Variants in UBR1 observed in about 807,000 individuals in gnomAD.
UBR1 encodes E3 ubiquitin-protein ligase UBR1.
UBR1 carries 102 observed loss-of-function variants against 242.1 expected under a neutral mutation model. The ratio of observed to expected loss-of-function variants is 0.42; its 90% confidence interval spans 0.36 to 0.50. The LOEUF is 0.50. Among genes scored for constraint, UBR1 ranks in the 20% least tolerant of loss-of-function variants. The pLI is 0.01. For synonymous variants in UBR1, 675 were observed against 684.8 expected (o/e 0.99, Z 0.22); for missense variants, 1,772 against 2,101.8 (o/e 0.84, Z 3.07).
chr15:43,042,934 T>C (rs1403185143), intron 15 of UBR1, among the ~76,000 whole-genome samples: 1 of 152,128 alleles, frequency 6.6e-6, no homozygotes, highest in Non-Finnish European at 1.5e-5. Context: ...TTATTATATT[T>C]AAATTTGGGT....
intron 37 of UBR1, among the ~76,000 whole-genome samples, chr15:42,982,067 C>T (rs1052238985): frequency 2.6e-5 from 4 of 152,170 alleles, no homozygotes; most frequent in Admixed American, 6.5e-5. Flanking sequence ...GAGACAAGGT[C>T]TCACTATACT....
chr15:42,945,000 C>A lies in UBR1; in HGVS notation c.*329G>T. ...AATACAAAATTGCAGAAGAGTTAAC[C>A]AACATATAAAATGTCTACAACTGTT... On this transcript the variant is annotated 3_prime_UTR_variant, in exon 47 of 47. Coordinates refer to ENST00000290650, the MANE Select transcript of UBR1 (RefSeq NM_174916.3). 9.4e-6 allele frequency: 3 copies of A among 319,490 alleles called. No individual in the cohort carries two copies. The highest frequency in any genetic ancestry group is 3.0e-5 in the South Asian group (1 of 33,640). The allele number at this position is 319,490 out of a possible 1,614,324, so 19.8% of individuals were successfully genotyped here.
At chr15:42,967,241 T>TTA (rs1555442411) in intron 40 of UBR1, among the ~76,000 whole-genome samples, 10 of 148,978 alleles carry the variant, frequency 6.7e-5, no homozygotes, top group Non-Finnish European at 1.2e-4. Flanking sequence ...TTTTTTTTTT[T>TTA]AAATAGAGAC....
At chr15:42,967,411 T>C (rs1039704686) in intron 40 of UBR1, among the ~76,000 whole-genome samples, 2 of 149,674 alleles carry the variant, frequency 1.3e-5, no homozygotes, top group Non-Finnish European at 1.5e-5. Context: ...TACTAAAGCT[T>C]CCTTTTTTTT....
At chr15:42,980,133 G>C (rs1289137934) in intron 37 of UBR1, among the ~76,000 whole-genome samples, 1 of 151,944 alleles carries the variant, frequency 6.6e-6, no homozygotes, top group Non-Finnish European at 1.5e-5. Flanking sequence ...AATAATTCCT[G>C]ATCCCTCGTC....
intron 26 of UBR1, 32 bp downstream of exon 26, chr15:43,022,670 C>T: frequency 6.8e-7 from 1 of 1,461,888 alleles, no homozygotes; most frequent in Non-Finnish European, 9.6e-7. Flanking sequence ...CTTTCAATGA[C>T]AAATGTGTTG....
At chr15:43,098,526 A>G (rs2141371152) in intron 1 of UBR1, among the ~76,000 whole-genome samples, 1 of 152,326 alleles carries the variant, frequency 6.6e-6, no homozygotes, top group East Asian at 1.9e-4. Context: ...GTTCATCTGT[A>G]TCACTGATTT....
intron 9 of UBR1, among the ~76,000 whole-genome samples, chr15:43,058,666 C>T (rs1464398528): frequency 6.6e-6 from 1 of 152,170 alleles, no homozygotes. Context: ...TCAATTTACT[C>T]TCTCCCAACC....
intron 31 of UBR1, among the ~76,000 whole-genome samples, chr15:43,002,932 A>T (rs2032748572): frequency 6.6e-6 from 1 of 152,232 alleles, no homozygotes; most frequent in South Asian, 2.1e-4. Flanking sequence ...AATTTAAAAT[A>T]AGTTTATTGA....
In UBR1 at chr15:43,093,782, T is replaced by A. The variant is rs1405578768; in HGVS notation, c.82-7542A>T. On this transcript the variant is annotated intron_variant, in intron 1 of 46. Transcript: ENST00000290650. ...TTCAGCCTGGGGAACAGAGTGAGGC[T>A]CCGTCTCCAAAAAAAAAAAAAAAAA... Among the ~76,000 whole-genome samples, 2 of 112,182 alleles carry A rather than the reference T, an allele frequency of 1.8e-5. 1 individual carries two copies. Among genetic ancestry groups the A allele is most frequent in the Admixed American group, 2.3e-4 (2 of 8,614 alleles). 73.6% of individuals were successfully genotyped at this position (112,182 alleles called of 152,430 possible). A position where few individuals can be genotyped will look rare whatever the true frequency, so the allele number is the denominator to read the frequency against.
chr15:43,000,540 G>A (rs1013724286), intron 32 of UBR1, among the ~76,000 whole-genome samples: 5 of 152,132 alleles, frequency 3.3e-5, no homozygotes, highest in Non-Finnish European at 7.4e-5. Flanking sequence ...TGTATAGTTA[G>A]GTAAGGCTTT....
chr15:43,037,844 G>A lies in UBR1; in HGVS notation c.1951C>T (p.Arg651Cys), dbSNP rs1313170537. 6.2e-7 allele frequency: 1 copy of A among 1,613,952 alleles called. No individual in the cohort carries two copies. Among genetic ancestry groups the A allele is most frequent in the African/African-American group, 1.3e-5 (1 of 74,920 alleles). Residue 651 changes from arginine (R) to cysteine (C), a missense_variant, in exon 17 of 47, where the codon CGT becomes TGT. Arg to Cys is a radical substitution (Grantham distance 180). Around this residue, in one of 3 missense-constraint regions of UBR1, gnomAD observed 734 missense variants for 893.3 expected, o/e 0.82. Coordinates refer to ENST00000290650, the MANE Select transcript of UBR1 (RefSeq NM_174916.3). Reference sequence around the variant, plus strand: ...ACCTGGGCAACCAACACCAGACAACGTAAAGGATATTCCACTAGTACCTCT... The same window carrying A: ...ACCTGGGCAACCAACACCAGACAACATAAAGGATATTCCACTAGTACCTCT... ...QVEVLVEYPLRCLVLVAQVVA... is the reference protein window; with the variant it reads ...QVEVLVEYPLCCLVLVAQVVA...
At chr15:43,082,566 A>G in intron 3 of UBR1, 72 bp downstream of exon 3, 1 of 1,169,974 alleles carries the variant, frequency 8.5e-7, no homozygotes, top group East Asian at 2.4e-5. Flanking sequence ...GAATGTGAAT[A>G]CTACTCAAGA....
At chr15:42,984,713 AG>A (rs1313050235) in intron 36 of UBR1, among the ~76,000 whole-genome samples, 173 bp downstream of exon 36, 1 of 152,228 alleles carries the variant, frequency 6.6e-6, no homozygotes, top group Non-Finnish European at 1.5e-5. Flanking sequence ...AGCGCTGTAA[AG>A]TGCACATGCT....
chr15:43,013,639 G>A (rs1274442927), intron 29 of UBR1, among the ~76,000 whole-genome samples: 1 of 152,166 alleles, frequency 6.6e-6, no homozygotes, highest in Non-Finnish European at 1.5e-5. Flanking sequence ...AAAATAACGG[G>A]TTGGTTATCT....
chr15:42,974,507 C>A (rs753055999), intron 39 of UBR1, among the ~76,000 whole-genome samples: 26 of 152,162 alleles, frequency 1.7e-4, no homozygotes, highest in Non-Finnish European at 2.9e-4. Context: ...AGTGTCAACC[C>A]TCCAAATTTC....
chr15:43,083,817 C>T (rs761918987), intron 2 of UBR1, among the ~76,000 whole-genome samples: 1 of 151,760 alleles, frequency 6.6e-6, no homozygotes, highest in Admixed American at 6.6e-5. Flanking sequence ...CCAAGGTGGG[C>T]GGATCACCTG....
chr15:42,978,010 G>A (rs2032316716), intron 37 of UBR1, 63 bp from the exon 38 acceptor site: 1 of 1,396,038 alleles, frequency 7.2e-7, no homozygotes, highest in South Asian at 1.2e-5. Context: ...TAAATAAAAT[G>A]CAAGCTAAAA....
intron 19 of UBR1, among the ~76,000 whole-genome samples, chr15:43,034,294 G>A (rs1045986256): frequency 4.7e-5 from 7 of 148,074 alleles, no homozygotes; most frequent in Admixed American, 4.0e-4. Flanking sequence ...ATAAATAAAT[G>A]AGCTGGGCGT....
Sources: gnomAD v4.1 joint callset for allele counts (sites outside exome capture counted in the v4.1 genomes callset) on GRCh38, gnomAD v4.1.1 for gene constraint, gnomAD v4.1.1 regional missense constraint, MANE v1.5 for transcripts, NCBI Gene and HGNC (gene_info 2026-07-23, HGNC 2026-07-21) for gene names.